The following SYNPO2 variants were observed in gnomAD, a reference collection of about 807,000 sequenced individuals.
The protein encoded by SYNPO2 is synaptopodin 2.
SYNPO2 carries 56 observed loss-of-function variants against 85.0 expected under a neutral mutation model. That is an observed-to-expected ratio of 0.66 (90% confidence interval 0.53 to 0.82). The LOEUF is 0.82. Among genes scored for constraint, SYNPO2 ranks in the 40% least tolerant of loss-of-function variants. The probability of loss-of-function intolerance (pLI) is 0.00; values close to 1 mark genes in which losing one functional copy is unlikely to be tolerated. For missense variants in SYNPO2, 1,575 were observed against 1,534.2 expected, an observed-to-expected ratio of 1.03 and a Z score of -0.44; for synonymous variants, 602 against 591.1, an observed-to-expected ratio of 1.02 and a Z score of -0.27.
intron 4 of SYNPO2, among the ~76,000 whole-genome samples, chr4:119,052,621 G>A (rs1269992642): frequency 6.6e-6 from 1 of 152,212 alleles, no homozygotes; most frequent in African/African-American, 2.4e-5. Flanking sequence ...TGGAAGTAGA[G>A]TGAAGAAGTC....
At chr4:118,934,055 A>T (rs994318314) in intron 1 of SYNPO2, among the ~76,000 whole-genome samples, 3 of 152,142 alleles carry the variant, frequency 2.0e-5, no homozygotes, top group Non-Finnish European at 2.9e-5. Flanking sequence ...GATCAGTTTT[A>T]GCGAGATCTC....
intron 4 of SYNPO2, among the ~76,000 whole-genome samples, chr4:119,046,954 AG>A (rs1179707134): frequency 6.6e-6 from 1 of 152,286 alleles, no homozygotes; most frequent in Non-Finnish European, 1.5e-5. Context: ...AGTTAATCTA[AG>A]ATGACTGGTG....
intron 1 of SYNPO2, among the ~76,000 whole-genome samples, chr4:118,927,254 A>C (rs553383757): frequency 6.6e-6 from 1 of 152,190 alleles, no homozygotes; most frequent in South Asian, 2.1e-4. Context: ...TATTTTCTGC[A>C]TTAAAAAAAT....
chr4:119,005,240 C>G (rs1384958365), intron 1 of SYNPO2, among the ~76,000 whole-genome samples: 1 of 152,172 alleles, frequency 6.6e-6, no homozygotes, highest in Non-Finnish European at 1.5e-5. Flanking sequence ...AATTAGATCC[C>G]ATTTGTCAAT....
intron 4 of SYNPO2, among the ~76,000 whole-genome samples, chr4:119,051,485 C>G (rs937472031): frequency 1.2e-4 from 18 of 151,858 alleles, no homozygotes; most frequent in African/African-American, 3.6e-4. Context: ...GCCACCGCGC[C>G]CGGCCGGGAA....
intron 1 of SYNPO2, among the ~76,000 whole-genome samples, chr4:118,916,101 C>A (rs1174876009): frequency 6.6e-6 from 1 of 151,424 alleles, no homozygotes; most frequent in Non-Finnish European, 1.5e-5. Flanking sequence ...TATATTATAA[C>A]CCATATTTTC....
At chr4:118,870,996 A>C (rs1307128562) in intron 1 of SYNPO2, among the ~76,000 whole-genome samples, 1 of 152,256 alleles carries the variant, frequency 6.6e-6, no homozygotes, top group Non-Finnish European at 1.5e-5. Context: ...AGTGACACCC[A>C]AGACTGCAGA....
chr4:119,011,954 A>T (rs1578641214), intron 1 of SYNPO2, among the ~76,000 whole-genome samples: 1 of 121,808 alleles, frequency 8.2e-6, no homozygotes. Context: ...ATGGAGTCTC[A>T]CTCTATCACC....
chr4:119,026,999 C>A lies in SYNPO2; in HGVS notation c.630C>A (p.Gly210=). 1 of 1,614,086 alleles carries A rather than the reference C, an allele frequency of 6.2e-7. No homozygotes were observed. Among genetic ancestry groups the A allele is most frequent in the Non-Finnish European group, 8.5e-7 (1 of 1,180,014 alleles). Residue 210 remains glycine (G), a synonymous_variant, in exon 3 of 5, where the codon GGC becomes GGA. Transcript: ENST00000307142. ...CCCTTTCACAGGAGAGACATAAGGGCGCTAGTGGCCCTTTAGTGGCTCTCC... is the reference window on the plus strand; with the variant it reads ...CCCTTTCACAGGAGAGACATAAGGGAGCTAGTGGCCCTTTAGTGGCTCTCC... ...QLSLSQERHK[G]ASGPLVALPG... is the part of the protein sequence containing the mutation.
chr4:118,858,630 A>G (rs531128913), intron 1 of SYNPO2, among the ~76,000 whole-genome samples: 17 of 152,214 alleles, frequency 1.1e-4, no homozygotes, highest in South Asian at 8.3e-4. Flanking sequence ...TCCTTTTTCA[A>G]TGGCCTCACA....
Position 119,057,570 on chromosome 4 carries a change from G to A in SYNPO2, c.3422G>A (p.Gly1141Asp). ...PWEAAAKSPL[G>D]LVDDAFQPRN... ...GAAGCAGCAGCAAAGTCTCCTCTCG[G>A]TCTAGTGGATGATGCTTTCCAACCC... Residue 1141 changes from glycine to aspartate, a missense_variant, in exon 5 of 5, where the codon GGT becomes GAT. Physicochemically the swap from Gly to Asp is moderately conservative, Grantham distance 94. Transcript: ENST00000307142. 1.9e-6 allele frequency: 3 copies of A among 1,614,036 alleles called. No homozygotes were observed. The highest frequency in any genetic ancestry group is 2.5e-6 in the Non-Finnish European group (3 of 1,180,014).
rs573366720 is a variant in SYNPO2 at position 118,931,266 on chromosome 4, A to G, written c.105+42125A>G. On this transcript the variant is annotated intron_variant, in intron 1 of 4. Coordinates refer to ENST00000307142, the MANE Select transcript of SYNPO2 (RefSeq NM_133477.3). ...ATTGAGGGGTCTATGACTTGTCCAC[A>G]TTCACAGAGCTATAAGTAGGAGAGC... Among the ~76,000 whole-genome samples, 12 of 152,174 alleles carry G rather than the reference A, an allele frequency of 7.9e-5. 1 individual carries two copies. The South Asian group carries it at 2.5e-3, about 32-fold the overall frequency.
chr4:119,047,154 G>A (rs915199170), intron 4 of SYNPO2, among the ~76,000 whole-genome samples: 2 of 152,016 alleles, frequency 1.3e-5, no homozygotes, highest in African/African-American at 2.4e-5. Flanking sequence ...TCTGCCTCCC[G>A]GGTTCCAGCG....
chr4:118,860,552 C>CTTTTTTTT (rs34644748), intron 1 of SYNPO2, among the ~76,000 whole-genome samples: 3 of 114,158 alleles, frequency 2.6e-5, no homozygotes. Flanking sequence ...CCTCTTTTGC[C>CTTTTTTTT]TTTTTTTTTG....
intron 1 of SYNPO2, among the ~76,000 whole-genome samples, chr4:118,957,106 C>T (rs1734908506): frequency 6.6e-6 from 1 of 152,018 alleles, no homozygotes; most frequent in Non-Finnish European, 1.5e-5. Context: ...AAGCTATGGA[C>T]TTGCATTATA....
chr4:119,020,900 CA>C lies in SYNPO2; in HGVS notation c.106-2529del, dbSNP rs549677922. On this transcript the variant is annotated intron_variant, in intron 1 of 4. Transcript: ENST00000307142. ...GATAAAACAAAACAAATATATTTAA[CA>C]GCTAAATGGATATTTTCAAAATTAG... is the stretch of plus-strand genomic sequence containing the variant. Among the ~76,000 whole-genome samples the C allele has an allele frequency of 1.2e-3, 181 of 152,188 alleles. 1 individual carries two copies. Among genetic ancestry groups the C allele is most frequent in the African/African-American group, 4.2e-3 (173 of 41,514 alleles).
chr4:118,951,566 T>A (rs1734697692), intron 1 of SYNPO2, among the ~76,000 whole-genome samples: 1 of 152,192 alleles, frequency 6.6e-6, no homozygotes, highest in Non-Finnish European at 1.5e-5. Context: ...AAATCTGTAG[T>A]TTCAAAAAGT....
intron 1 of SYNPO2, among the ~76,000 whole-genome samples, chr4:118,902,253 T>G (rs977329144): frequency 6.5e-4 from 99 of 152,352 alleles, no homozygotes; most frequent in African/African-American, 2.3e-3. Flanking sequence ...CTTCTCATGA[T>G]GTAGCAGCCT....
chr4:118,863,464 CTAA>C lies in SYNPO2; in HGVS notation c.12+12529_12+12531del, dbSNP rs573403088. On this transcript the variant is annotated intron_variant, in intron 1 of 4. Coordinates refer to the SYNPO2 transcript ENST00000610556. Reference sequence around the variant, plus strand: ...GTCATATAGTTGCTTATAGTAGTCACTAATAATCCTTTGAATTTCTGCAGTATC... The same window carrying C: ...GTCATATAGTTGCTTATAGTAGTCACTAATCCTTTGAATTTCTGCAGTATC... Among the ~76,000 whole-genome samples, 1,367 of 152,274 alleles carry C rather than the reference CTAA, an allele frequency of 9.0e-3. 10 individuals carry two copies. Among genetic ancestry groups the C allele is most frequent in the Non-Finnish European group, 0.014 (927 of 68,022 alleles).
Sources: allele counts gnomAD v4.1 joint callset (sites outside exome capture counted in the v4.1 genomes callset), GRCh38; gene constraint gnomAD v4.1.1; transcripts MANE v1.5; gene names NCBI Gene and HGNC (gene_info 2026-07-23, HGNC 2026-07-21).